The following CC2D2A variants were observed in gnomAD, a reference collection of about 807,000 sequenced individuals.
CC2D2A encodes coiled-coil and C2 domain containing 2A, also known as coiled-coil and C2 domain-containing protein 2A.
In CC2D2A, 155 loss-of-function variants were observed where a neutral mutation model predicts 212.9. The ratio of observed to expected loss-of-function variants is 0.73; its 90% CI spans 0.64 to 0.83. The LOEUF (loss-of-function observed/expected upper bound fraction) is 0.83, where lower values mean the gene tolerates loss of function less well. CC2D2A is among the 40% of genes least tolerant of loss of function. CC2D2A has a pLI of 0.00. For missense variants in CC2D2A, 1,856 were observed against 1,956.2 expected (o/e 0.95, Z 0.97); for synonymous variants, 667 against 686.5 (o/e 0.97, Z 0.44).
chr4:15,474,481 A>G (rs1322701463), intron 1 of CC2D2A, among the ~76,000 whole-genome samples: 1 of 152,102 alleles, frequency 6.6e-6, no homozygotes, highest in Non-Finnish European at 1.5e-5. Context: ...TGTTTAATGG[A>G]TACAAAAAAA....
In CC2D2A at chr4:15,514,589, A is replaced by AAAAGGAAAAGAT; in HGVS notation, c.718-113_718-102dup. 4 of 823,360 alleles carry AAAAGGAAAAGAT rather than the reference A, an allele frequency of 4.9e-6. 1 individual carries two copies. In the East Asian group the frequency reaches 1.1e-4, roughly 24 times the overall value. 51.0% of individuals were successfully genotyped at this position (823,360 alleles called of 1,614,324 possible). On this transcript the variant is annotated intron_variant, in intron 8 of 36. Coordinates refer to ENST00000424120, the MANE Select transcript of CC2D2A (RefSeq NM_001378615.1). ...AGTTCTATGCTTTCACTTTTTTAAA[A>AAAAGGAAAAGAT]AAAGGAAAAGATAAAGTTGTAGGAA...
chr4:15,494,380 G>A (rs902595358), intron 4 of CC2D2A, among the ~76,000 whole-genome samples: 1 of 152,184 alleles, frequency 6.6e-6, no homozygotes, highest in Non-Finnish European at 1.5e-5. Flanking sequence ...GTGGGACTCG[G>A]AAAGAGTGAG....
intron 8 of CC2D2A, among the ~76,000 whole-genome samples, chr4:15,512,749 C>T (rs1394425120): frequency 6.6e-6 from 1 of 152,102 alleles, no homozygotes; most frequent in Non-Finnish European, 1.5e-5. Flanking sequence ...GTCAGGAGTT[C>T]ACGACCAGGC....
rs566820227 is a variant in CC2D2A at position 15,487,573 on chromosome 4, GCT to G, written c.247+6749_247+6750del. On this transcript the variant is annotated intron_variant, in intron 4 of 36. Coordinates refer to ENST00000424120, the MANE Select transcript of CC2D2A (RefSeq NM_001378615.1). ...GTTTCTTATAGGTAGCATATAATTG[GCT>G]CTTTTTTTCAATCTTTTTCATCCGT... Among the ~76,000 whole-genome samples, 24 of 151,888 alleles carry G rather than the reference GCT, an allele frequency of 1.6e-4. No homozygotes were observed. The South Asian group carries it at 5.0e-3, about 32-fold the overall frequency.
intron 4 of CC2D2A, chr4:15,482,332 A>T (rs975452677): frequency 1.0e-6 from 1 of 972,152 alleles, no homozygotes; most frequent in Non-Finnish European, 1.2e-6. Flanking sequence ...ACAACTTGTC[A>T]TTTCAGGCTG....
At chr4:15,481,098 G>A in intron 4 of CC2D2A, 1 of 469,640 alleles carries the variant, frequency 2.1e-6, no homozygotes, top group South Asian at 1.6e-5. Context: ...GTTAGAGGTG[G>A]AGCCTAGTGG....
intron 17 of CC2D2A, among the ~76,000 whole-genome samples, chr4:15,550,160 A>G (rs944398239): frequency 6.6e-6 from 1 of 152,170 alleles, no homozygotes; most frequent in African/African-American, 2.4e-5. Context: ...TTCTTAAACG[A>G]TGGTTGCCCT....
At chr4:15,587,795 A>C in intron 31 of CC2D2A, 21 bp from the exon 32 acceptor site, 1 of 1,319,116 alleles carries the variant, frequency 7.6e-7, no homozygotes, top group Non-Finnish European at 1.1e-6. Flanking sequence ...ATACAACATA[A>C]TTTTTTTTTC....
intron 13 of CC2D2A, among the ~76,000 whole-genome samples, chr4:15,532,890 A>C (rs1719493252): frequency 6.6e-6 from 1 of 152,248 alleles, no homozygotes; most frequent in Middle Eastern, 3.2e-3. Flanking sequence ...AATTTAGTCC[A>C]TGAGAACTGC....
At chr4:15,493,006 G>T in intron 4 of CC2D2A, 1 of 411,842 alleles carries the variant, frequency 2.4e-6, no homozygotes, top group South Asian at 1.9e-5. Flanking sequence ...GACCTATGTG[G>T]TTGCATTTCC....
chr4:15,580,637 CAAAAAAA>C (rs58107216), intron 30 of CC2D2A, among the ~76,000 whole-genome samples: 3 of 89,420 alleles, frequency 3.4e-5, no homozygotes, highest in African/African-American at 1.3e-4. Flanking sequence ...GACTCTGTCT[CAAAAAAA>C]AAAAAAAAAA....
intron 6 of CC2D2A, among the ~76,000 whole-genome samples, chr4:15,506,667 A>C (rs1716271420): frequency 6.6e-6 from 1 of 152,212 alleles, no homozygotes; most frequent in African/African-American, 2.4e-5. Flanking sequence ...TGGCATCATC[A>C]ACAATGCATG....
intron 13 of CC2D2A, among the ~76,000 whole-genome samples, chr4:15,530,283 A>G (rs953767383): frequency 3.3e-5 from 5 of 152,170 alleles, no homozygotes; most frequent in African/African-American, 1.2e-4. Context: ...AGGCATTTCA[A>G]TGTATACTTT....
At position 15,480,778 on chromosome 4, in the gene CC2D2A, G is replaced by A. The variant is rs1174063198; in HGVS notation, c.198G>A (p.Glu66=). The A allele has an allele frequency of 4.3e-6, 7 of 1,613,356 alleles. No individual in the cohort carries two copies. Among genetic ancestry groups the A allele is most frequent in the Non-Finnish European group, 5.9e-6 (7 of 1,179,696 alleles). The part of the protein sequence containing the change: ...HLGNPQEPVQ[E]EPKTRLLSMT... ...GCAACCCCCAGGAGCCTGTGCAGGA[G>A]GAGCCCAAGACCCGCCTCCTGAGTA... The change falls in exon 4 of 37, where the codon GAG becomes GAA. Residue 66 remains glutamate (E), a synonymous_variant. Transcript: ENST00000424120.
At chr4:15,524,195 G>A (rs929672582) in intron 11 of CC2D2A, among the ~76,000 whole-genome samples, 3 of 152,112 alleles carry the variant, frequency 2.0e-5, no homozygotes, top group Non-Finnish European at 4.4e-5. Flanking sequence ...GTGCAGTGGT[G>A]TAATCTCGGC....
At chr4:15,591,693 A>G (rs528356421) in intron 33 of CC2D2A, among the ~76,000 whole-genome samples, 1 of 152,310 alleles carries the variant, frequency 6.6e-6, no homozygotes, top group South Asian at 2.1e-4. Context: ...ATTTTTAATA[A>G]AAGTCATTAT....
chr4:15,543,202 T>G (rs1202520543), intron 17 of CC2D2A, among the ~76,000 whole-genome samples: 1 of 152,192 alleles, frequency 6.6e-6, no homozygotes. Context: ...ATAACAGGAT[T>G]GATATCTGCA....
chr4:15,565,119 G>A (rs1719822433), intron 24 of CC2D2A, among the ~76,000 whole-genome samples: 1 of 152,170 alleles, frequency 6.6e-6, no homozygotes, highest in Non-Finnish European at 1.5e-5. Context: ...CTGTGGCATT[G>A]CTTTCCTGAG....
intron 4 of CC2D2A, chr4:15,482,449 C>A: frequency 3.2e-6 from 1 of 311,174 alleles, no homozygotes; most frequent in Non-Finnish European, 4.7e-6. Context: ...GGCCGGTTTC[C>A]AGTGAGGCCC....
Sources: gnomAD v4.1 joint callset for allele counts (sites outside exome capture counted in the v4.1 genomes callset) on GRCh38, gnomAD v4.1.1 for gene constraint, MANE v1.5 for transcripts, NCBI Gene and HGNC (gene_info 2026-07-23, HGNC 2026-07-21) for gene names.